PHTF2: variants seen among roughly 807,000 people sequenced by gnomAD.
The protein encoded by PHTF2 is putative homeodomain transcription factor 2.
In PHTF2, 60 loss-of-function variants were observed where a neutral mutation model predicts 101.2. The observed-to-expected ratio is 0.59, with a 90% CI of 0.48 to 0.73. The LOEUF is 0.73. Ranked by LOEUF, PHTF2 falls within the 30% of genes least tolerant of loss-of-function variation. The pLI is 0.00. For synonymous variants in PHTF2, 311 were observed against 307.3 expected, an observed-to-expected ratio of 1.01 and a Z score of -0.13; for missense variants, 747 against 908.7, an observed-to-expected ratio of 0.82 and a Z score of 2.29.
At chr7:77,823,805 AC>A (rs1213457574) in intron 1 of PHTF2, among the ~76,000 whole-genome samples, 53 of 152,306 alleles carry the variant, frequency 3.5e-4, no homozygotes, top group Middle Eastern at 3.4e-3. Flanking sequence ...CAAAGTAGAG[AC>A]GATAGATGCT....
chr7:77,917,884 T>C (rs1464703337), intron 9 of PHTF2, among the ~76,000 whole-genome samples: 2 of 152,182 alleles, frequency 1.3e-5, no homozygotes, highest in Non-Finnish European at 2.9e-5. Context: ...CTTACCTTCA[T>C]AGGGTTCATG....
chr7:77,942,575 A>G, intron 15 of PHTF2, 125 bp from the exon 15 acceptor site: 2 of 504,562 alleles, frequency 4.0e-6, no homozygotes, highest in Non-Finnish European at 7.0e-6. Context: ...TATATTCAAC[A>G]TTGTGGGCTG....
chr7:77,910,143 A>G (rs2150867377), intron 8 of PHTF2, 102 bp from the exon 8 acceptor site: 2 of 809,300 alleles, frequency 2.5e-6, no homozygotes, highest in East Asian at 2.6e-5. Flanking sequence ...GTGTTAAGTA[A>G]AGTTCCTGTG....
chr7:77,952,909 A>G (rs1417907853), intron 18 of PHTF2, among the ~76,000 whole-genome samples: 3 of 152,068 alleles, frequency 2.0e-5, no homozygotes, highest in Admixed American at 6.6e-5. Flanking sequence ...CCTCTTCTCT[A>G]TTAGTACGGC....
chr7:77,926,837 C>T (rs1172162288), intron 11 of PHTF2, among the ~76,000 whole-genome samples: 1 of 151,190 alleles, frequency 6.6e-6, no homozygotes, highest in Non-Finnish European at 1.5e-5. Context: ...TTTAGCCAGG[C>T]ATGGTGGTAC....
chr7:77,860,521 AT>A (rs1797552259), intron 3 of PHTF2, among the ~76,000 whole-genome samples: 1 of 152,110 alleles, frequency 6.6e-6, no homozygotes, highest in South Asian at 2.1e-4. Flanking sequence ...TTTATCTGTA[AT>A]ATTGAGATAA....
intron 3 of PHTF2, among the ~76,000 whole-genome samples, chr7:77,871,123 A>G (rs1479531976): frequency 1.3e-5 from 2 of 151,666 alleles, no homozygotes; most frequent in Non-Finnish European, 2.9e-5. Flanking sequence ...TCAGCAAGTC[A>G]TGGTGTTTTC....
chr7:77,898,442 C>G (rs1414849424), intron 5 of PHTF2, among the ~76,000 whole-genome samples: 1 of 152,116 alleles, frequency 6.6e-6, no homozygotes, highest in East Asian at 1.9e-4. Context: ...CCAAATAGTG[C>G]TTTATTAATG....
chr7:77,878,656 C>T (rs762128871), intron 3 of PHTF2, among the ~76,000 whole-genome samples: 55 of 152,076 alleles, frequency 3.6e-4, no homozygotes, highest in Non-Finnish European at 6.9e-4. Context: ...CTTGGCTACT[C>T]CCAGGAATGA....
rs1562863393 is a variant in PHTF2, at chr7:77,841,092, T to TTTTTTTTC, written c.45+795_45+796insTTTTCTTT. On this transcript the variant is annotated intron_variant, in intron 2 of 19. Transcript: ENST00000416283. ...AAAACAGACTTTTTTTTTTTTTTTT[T>TTTTTTTTC]TTTGAGATGGAATCTCTCTCTCTGT... Among the ~76,000 whole-genome samples, 4 of 144,920 alleles carry TTTTTTTTC rather than the reference T, an allele frequency of 2.8e-5. 1 individual carries two copies. Among genetic ancestry groups the TTTTTTTTC allele is most frequent in the Non-Finnish European group, 4.5e-5 (3 of 66,522 alleles).
intron 7 of PHTF2, among the ~76,000 whole-genome samples, chr7:77,908,300 A>G (rs1802052352): frequency 6.6e-6 from 1 of 152,212 alleles, no homozygotes; most frequent in South Asian, 2.1e-4. Flanking sequence ...ATGTAGTAAT[A>G]GTTAGCATTG....
At chr7:77,891,703 C>T (rs1562921237) in intron 3 of PHTF2, among the ~76,000 whole-genome samples, 1 of 152,110 alleles carries the variant, frequency 6.6e-6, no homozygotes. Flanking sequence ...CCTCCCACCT[C>T]AGTCCCCTGA....
intron 2 of PHTF2, among the ~76,000 whole-genome samples, chr7:77,852,642 C>G (rs948575237): frequency 6.6e-6 from 1 of 152,120 alleles, no homozygotes; most frequent in Non-Finnish European, 1.5e-5. Flanking sequence ...TACAGTGTTA[C>G]AATATTCTGT....
chr7:77,947,159 T>C (rs1245267294), intron 16 of PHTF2, among the ~76,000 whole-genome samples: 1 of 146,864 alleles, frequency 6.8e-6, no homozygotes, highest in Non-Finnish European at 1.5e-5. Context: ...TTATTTTCAA[T>C]AGCAACAACA....
intron 3 of PHTF2, among the ~76,000 whole-genome samples, chr7:77,888,971 TA>T (rs1218161240): frequency 1.3e-5 from 2 of 152,278 alleles, no homozygotes; most frequent in East Asian, 1.9e-4. Flanking sequence ...AAATATCTGT[TA>T]GGGGTAAAAT....
chr7:77,828,502 G>A (rs1426129936), intron 1 of PHTF2, among the ~76,000 whole-genome samples: 1 of 152,074 alleles, frequency 6.6e-6, no homozygotes, highest in African/African-American at 2.4e-5. Flanking sequence ...AGAGGGCTTT[G>A]TGGTTAGTAT....
At chr7:77,850,359 T>TAAAAA (rs1208645940) in intron 2 of PHTF2, among the ~76,000 whole-genome samples, 1 of 26,768 alleles carries the variant, frequency 3.7e-5, no homozygotes, top group Non-Finnish European at 6.5e-5. Flanking sequence ...AGACCTTGTC[T>TAAAAA]CAAAAAAAAA....
At chr7:77,875,703 G>A (rs1345671135) in intron 3 of PHTF2, among the ~76,000 whole-genome samples, 2 of 151,860 alleles carry the variant, frequency 1.3e-5, no homozygotes, top group Admixed American at 1.3e-4. Context: ...GACTACAGGC[G>A]CCTGCCACCA....
chr7:77,947,717 C>T (rs1806176696), intron 16 of PHTF2, among the ~76,000 whole-genome samples: 1 of 151,826 alleles, frequency 6.6e-6, no homozygotes, highest in South Asian at 2.1e-4. Flanking sequence ...ATAAGTAACT[C>T]ATCAAGCTCC....
Sources: allele counts gnomAD v4.1 joint callset (sites outside exome capture counted in the v4.1 genomes callset), GRCh38; gene constraint gnomAD v4.1.1; transcripts MANE v1.5; gene names NCBI Gene and HGNC (gene_info 2026-07-23, HGNC 2026-07-21).